Variants in CLEC20A observed in about 807,000 individuals in gnomAD.
The protein encoded by CLEC20A is C-type lectin domain containing 20A.
At chr1:178,498,534 G>A (rs1649453630), upstream of CLEC20A, among the ~76,000 whole-genome samples, 1 of 152,202 alleles carries the variant, frequency 6.6e-6, no homozygotes, top group Non-Finnish European at 1.5e-5. Context: ...AGGCTGCAGT[G>A]AGTTGTGATT....
chr1:178,492,007 G>A (rs1042919220), intron 3 of CLEC20A, among the ~76,000 whole-genome samples: 3 of 152,248 alleles, frequency 2.0e-5, no homozygotes, highest in Non-Finnish European at 2.9e-5. Context: ...GACAATGGCC[G>A]GCTCGGTGGC....
intron 5 of CLEC20A, 22 bp from the exon 6 acceptor site, chr1:178,483,304 G>C (rs553483506): frequency 4.5e-5 from 18 of 398,590 alleles, no homozygotes; most frequent in African/African-American, 3.5e-4. Flanking sequence ...GAAAATAAAA[G>C]ATTTATTGCA....
chr1:178,497,691 T>C (rs1023934368), upstream of CLEC20A, among the ~76,000 whole-genome samples: 3 of 152,158 alleles, frequency 2.0e-5, no homozygotes, highest in Non-Finnish European at 2.9e-5. Context: ...CACATACACA[T>C]GTTAAATAAA....
downstream of CLEC20A, chr1:178,478,942 A>C (rs992821495): frequency 3.3e-5 from 5 of 152,264 alleles, no homozygotes; most frequent in African/African-American, 1.2e-4. Context: ...ACAAGAAAGG[A>C]AATGTATGCC....
intron 3 of CLEC20A, among the ~76,000 whole-genome samples, chr1:178,491,222 T>C (rs1289983336): frequency 6.6e-6 from 1 of 152,108 alleles, no homozygotes; most frequent in East Asian, 1.9e-4. Flanking sequence ...AGCCCACACA[T>C]CTGAGATTCC....
chr1:178,481,839 G>A (rs992402832), intron 7 of CLEC20A: 1 of 152,302 alleles, frequency 6.6e-6, no homozygotes, highest in South Asian at 2.1e-4. Context: ...AATAGCTAAT[G>A]TTTATTGAGC....
chr1:178,489,564 A>G (rs1466826056), intron 4 of CLEC20A, among the ~76,000 whole-genome samples: 1 of 152,034 alleles, frequency 6.6e-6, no homozygotes, highest in Non-Finnish European at 1.5e-5. Flanking sequence ...ATTCACAGGG[A>G]CAGAACAAGG....
At chr1:178,482,818 A>G in intron 6 of CLEC20A, 1 of 207,358 alleles carries the variant, frequency 4.8e-6, no homozygotes. Context: ...TGAGCCATCC[A>G]TAATCATTAC....
chr1:178,490,758 C>A (rs1291691830), intron 3 of CLEC20A, among the ~76,000 whole-genome samples: 1 of 152,144 alleles, frequency 6.6e-6, no homozygotes, highest in Non-Finnish European at 1.5e-5. Flanking sequence ...TACCTAAGGT[C>A]AGGATTACAT....
At chr1:178,478,879 A>T (rs1321476428), downstream of CLEC20A, 1 of 152,208 alleles carries the variant, frequency 6.6e-6, no homozygotes, top group Non-Finnish European at 1.5e-5. Context: ...ACTATATTTG[A>T]CATATTGCTG....
At chr1:178,479,641 G>T (rs945975222) in intron 7 of CLEC20A, 26 bp from the exon 8 acceptor site, 12 of 398,344 alleles carry the variant, frequency 3.0e-5, no homozygotes, top group South Asian at 2.5e-4. Context: ...GAGAGAAAGT[G>T]TTGATGCGGT....
At chr1:178,496,758 G>A (rs1212035368) in intron 1 of CLEC20A, 142 bp downstream of exon 1, 2 of 397,896 alleles carry the variant, frequency 5.0e-6, no homozygotes, top group African/African-American at 2.1e-5. Flanking sequence ...CTGTTCTGAG[G>A]GTTGAAAAGC....
At chr1:178,486,223 C>G (rs1381989428) in intron 5 of CLEC20A, among the ~76,000 whole-genome samples, 1 of 152,192 alleles carries the variant, frequency 6.6e-6, no homozygotes, top group African/African-American at 2.4e-5. Context: ...CAGACAGGAC[C>G]CCTGTAGGAT....
In CLEC20A at chr1:178,490,062, T is replaced by A. The variant is rs1649236177; in HGVS notation, c.829+10A>T. On this transcript the variant is annotated intron_variant, in intron 4 of 7. Coordinates refer to ENST00000623247, the Ensembl canonical transcript of CLEC20A. ...GGGCCGAGGGCCAGCAAGAGCAGAC[T>A]CTCACTCACCATAGAAGCAGAAGAA... 1 of 398,616 alleles carries A rather than the reference T, an allele frequency of 2.5e-6. No individual in the cohort carries two copies. Among genetic ancestry groups the A allele is most frequent in the Non-Finnish European group, 4.4e-6 (1 of 226,210 alleles). 24.7% of individuals were successfully genotyped at this position (398,616 alleles called of 1,614,324 possible). A position where few individuals can be genotyped will look rare whatever the true frequency, so the allele number is the denominator to read the frequency against.
intron 4 of CLEC20A, among the ~76,000 whole-genome samples, chr1:178,489,360 A>G (rs1174942785): frequency 6.6e-6 from 1 of 152,128 alleles, no homozygotes; most frequent in Non-Finnish European, 1.5e-5. Flanking sequence ...CTCTGTCTCA[A>G]AAATTAATTA....
At chr1:178,490,780 T>A (rs756124632) in intron 3 of CLEC20A, among the ~76,000 whole-genome samples, 1 of 152,198 alleles carries the variant, frequency 6.6e-6, no homozygotes, top group Non-Finnish European at 1.5e-5. Flanking sequence ...AAATCACATA[T>A]GCAAATGGTT....
chr1:178,499,517 G>A (rs980063523), upstream of CLEC20A: 7 of 151,942 alleles, frequency 4.6e-5, no homozygotes, highest in African/African-American at 1.7e-4. Context: ...AACTAGACTG[G>A]CTTGGCCTCA....
At chr1:178,482,678 C>A in intron 6 of CLEC20A, 1 of 280,526 alleles carries the variant, frequency 3.6e-6, no homozygotes, top group Non-Finnish European at 6.5e-6. Flanking sequence ...CTGTATTTTT[C>A]TCCTTACTTT....
chr1:178,498,806 C>A (rs1029553944), upstream of CLEC20A, among the ~76,000 whole-genome samples: 2 of 152,188 alleles, frequency 1.3e-5, no homozygotes, highest in Non-Finnish European at 2.9e-5. Context: ...CCCCCTACCC[C>A]TTCTCACCCT....
Sources: gnomAD v4.1 joint callset for allele counts (sites outside exome capture counted in the v4.1 genomes callset) on GRCh38, gnomAD v4.1.1 for gene constraint, MANE v1.5 for transcripts, NCBI Gene and HGNC (gene_info 2026-07-23, HGNC 2026-07-21) for gene names.